The following ZNF277 variants were observed in gnomAD, a reference collection of about 807,000 sequenced individuals.
The protein encoded by ZNF277 is nuclear receptor-interacting factor 4.
Under a neutral mutation model 60.7 loss-of-function variants are expected in ZNF277, and 55 were observed. The observed-to-expected ratio is 0.91, with a 90% CI of 0.73 to 1.13. The LOEUF is 1.13. Ranked by LOEUF, ZNF277 falls within the 50% of genes most tolerant of loss-of-function variation. The pLI, the probability that ZNF277 is intolerant of heterozygous loss-of-function variation, is 0.00. For missense variants in ZNF277, 510 were observed against 523.0 expected, an observed-to-expected ratio of 0.98 and a Z score of 0.24; for synonymous variants, 178 against 179.3, an observed-to-expected ratio of 0.99 and a Z score of 0.06.
At chr7:112,269,321 T>G (rs1449242184) in intron 1 of ZNF277, among the ~76,000 whole-genome samples, 3 of 152,126 alleles carry the variant, frequency 2.0e-5, no homozygotes, top group Non-Finnish European at 4.4e-5. Flanking sequence ...ATGGGGAATC[T>G]TGAGTGGTAC....
intron 1 of ZNF277, among the ~76,000 whole-genome samples, chr7:112,273,003 T>A (rs1028009547): frequency 6.6e-6 from 1 of 152,178 alleles, no homozygotes; most frequent in African/African-American, 2.4e-5. Flanking sequence ...ATCAGTGATG[T>A]TGAGCAACTT....
chr7:112,308,989 T>G (rs1323207428), intron 4 of ZNF277, among the ~76,000 whole-genome samples: 1 of 152,082 alleles, frequency 6.6e-6, no homozygotes, highest in African/African-American at 2.4e-5. Context: ...TTCAGATTCT[T>G]CTGTTTATCT....
chr7:112,226,448 G>A (rs989282250), intron 1 of ZNF277, among the ~76,000 whole-genome samples: 18 of 152,084 alleles, frequency 1.2e-4, no homozygotes, highest in African/African-American at 4.3e-4. Context: ...TACCACTTTA[G>A]CACAATATGA....
intron 1 of ZNF277, among the ~76,000 whole-genome samples, chr7:112,269,025 T>C (rs1791607399): frequency 6.6e-6 from 1 of 152,166 alleles, no homozygotes; most frequent in African/African-American, 2.4e-5. Flanking sequence ...GTTTGTTATC[T>C]GGCATTAATA....
intron 1 of ZNF277, among the ~76,000 whole-genome samples, chr7:112,249,996 A>C (rs925906768): frequency 6.6e-6 from 1 of 152,220 alleles, no homozygotes; most frequent in Non-Finnish European, 1.5e-5. Context: ...AATAAGAGAG[A>C]TAACCTTAAA....
At chr7:112,212,760 G>A (rs1307866858) in intron 1 of ZNF277, among the ~76,000 whole-genome samples, 1 of 152,140 alleles carries the variant, frequency 6.6e-6, no homozygotes, top group East Asian at 1.9e-4. Flanking sequence ...CAGAGTGTCT[G>A]TTGGTGCTAC....
intron 4 of ZNF277, among the ~76,000 whole-genome samples, chr7:112,313,693 T>C (rs1298103178): frequency 1.3e-5 from 2 of 152,158 alleles, no homozygotes; most frequent in African/African-American, 4.8e-5. Flanking sequence ...AGTTTACATA[T>C]GTAGTAGACC....
Position 112,342,976 on chromosome 7 carries a change from A to G in ZNF277, c.*247A>G, listed in dbSNP as rs1793474090. ...CTTTGTATTTTGGCTGTAAAGTTTT[A>G]TTGTGTGATCATCTTAAATTATCTC... On this transcript the variant is annotated 3_prime_UTR_variant, in exon 12 of 12. Transcript: ENST00000361822. 1 of 269,180 alleles carries G rather than the reference A, an allele frequency of 3.7e-6. No homozygotes were observed. The highest frequency in any genetic ancestry group is 9.6e-5 in the South Asian group (1 of 10,460). The allele number at this position is 269,180 out of a possible 1,614,324, so 16.7% of individuals were successfully genotyped here. A position where few individuals can be genotyped will look rare whatever the true frequency, so the allele number is the denominator to read the frequency against.
chr7:112,238,951 A>G (rs1790873927), intron 1 of ZNF277, among the ~76,000 whole-genome samples: 1 of 152,030 alleles, frequency 6.6e-6, no homozygotes, highest in South Asian at 2.1e-4. Flanking sequence ...CTGGACCAGA[A>G]GGGTACCCAC....
chr7:112,272,736 C>T (rs1011026728), intron 1 of ZNF277, among the ~76,000 whole-genome samples: 1 of 152,122 alleles, frequency 6.6e-6, no homozygotes, highest in Non-Finnish European at 1.5e-5. Context: ...TCAAGTGATC[C>T]GCCCACCTCG....
intron 1 of ZNF277, among the ~76,000 whole-genome samples, chr7:112,283,167 G>A (rs923328805): frequency 3.9e-5 from 6 of 152,144 alleles, no homozygotes; most frequent in Non-Finnish European, 7.4e-5. Flanking sequence ...TTTGAGCAAG[G>A]TGCCAAAAAA....
intron 5 of ZNF277, among the ~76,000 whole-genome samples, chr7:112,319,211 A>T (rs889745375): frequency 6.6e-6 from 1 of 152,022 alleles, no homozygotes; most frequent in Non-Finnish European, 1.5e-5. Context: ...TGGAGGTCTG[A>T]CTGGCTCAAA....
intron 1 of ZNF277, among the ~76,000 whole-genome samples, chr7:112,274,516 CTATT>C (rs1232927709): frequency 1.3e-5 from 2 of 152,046 alleles, no homozygotes; most frequent in African/African-American, 2.4e-5. Context: ...AAAAACAAAA[CTATT>C]TATTATGTTA....
chr7:112,319,673 TATTATATAA>T lies in ZNF277; in HGVS notation c.557+1413_557+1421del, dbSNP rs1382141945. On this transcript the variant is annotated intron_variant, in intron 5 of 11. Transcript: ENST00000361822. ...TAAATTATATAATATATATAATATATATTATATAAATTATATAAATTTATAAATTAAATT... is the reference window on the plus strand; with the variant it reads ...TAAATTATATAATATATATAATATATATTATATAAATTTATAAATTAAATT... 8.1e-5 allele frequency among the ~76,000 whole-genome samples: 12 copies of T among 147,336 alleles called. 1 individual carries two copies. The highest frequency in any genetic ancestry group is 9.8e-5 in the African/African-American group (4 of 40,738).
intron 1 of ZNF277, among the ~76,000 whole-genome samples, chr7:112,264,538 C>G (rs192495239): frequency 9.2e-4 from 139 of 151,880 alleles, no homozygotes; most frequent in African/African-American, 3.3e-3. Flanking sequence ...TACTGTGGTT[C>G]TTGCAAGTAA....
chr7:112,253,943 G>T (rs1286635615), intron 1 of ZNF277, among the ~76,000 whole-genome samples: 2 of 151,986 alleles, frequency 1.3e-5, no homozygotes, highest in Admixed American at 6.6e-5. Context: ...TCATTCACTT[G>T]TGTACTGATG....
rs77161001 is a variant in ZNF277 at position 112,246,825 on chromosome 7, A to G, written c.91+40018A>G. On this transcript the variant is annotated intron_variant, in intron 1 of 11. Coordinates refer to ENST00000361822, the MANE Select transcript of ZNF277 (RefSeq NM_021994.3). ...ATAAATGCTGATTTAATGAATGACTATTAGAAAGGCAGAGCAAACTATTTT... is the reference window on the plus strand; with the variant it reads ...ATAAATGCTGATTTAATGAATGACTGTTAGAAAGGCAGAGCAAACTATTTT... 5.7e-3 allele frequency among the ~76,000 whole-genome samples: 867 copies of G among 152,340 alleles called. 6 individuals are homozygous for G. Among genetic ancestry groups the G allele is most frequent in the Non-Finnish European group, 9.2e-3 (624 of 68,028 alleles).
intron 4 of ZNF277, among the ~76,000 whole-genome samples, chr7:112,308,618 T>A (rs1317291798): frequency 6.6e-6 from 1 of 152,058 alleles, no homozygotes; most frequent in Non-Finnish European, 1.5e-5. Flanking sequence ...TGGACTCTGG[T>A]CTAGTGTGTG....
At chr7:112,339,294 T>C (rs1195905548) in intron 9 of ZNF277, among the ~76,000 whole-genome samples, 1 of 152,176 alleles carries the variant, frequency 6.6e-6, no homozygotes, top group African/African-American at 2.4e-5. Flanking sequence ...ATAAAAACTA[T>C]AGATATAAGC....
Sources: allele counts gnomAD v4.1 joint callset (sites outside exome capture counted in the v4.1 genomes callset), GRCh38; gene constraint gnomAD v4.1.1; transcripts MANE v1.5; gene names NCBI Gene and HGNC (gene_info 2026-07-23, HGNC 2026-07-21).